Variants in FAM135B observed in about 807,000 individuals in gnomAD.
FAM135B encodes protein FAM135B.
Under a neutral mutation model 127.7 loss-of-function variants are expected in FAM135B, and 43 were observed. That is an observed-to-expected ratio of 0.34 (90% CI 0.26 to 0.43). The LOEUF is 0.43. Ranked by LOEUF, FAM135B falls within the 20% of genes least tolerant of loss-of-function variation. The pLI is 1.00. For missense variants in FAM135B, 1,558 were observed against 1,725.6 expected (o/e 0.90, Z 1.72); for synonymous variants, 670 against 665.1 (o/e 1.01, Z -0.11).
chr8:138,415,741 G>A (rs34031939), intron 1 of FAM135B, among the ~76,000 whole-genome samples: 13,273 of 152,206 alleles, frequency 0.087, 994 homozygotes, highest in East Asian at 0.26. Context: ...AGACAATATG[G>A]CCCCAAGGGG....
intron 1 of FAM135B, among the ~76,000 whole-genome samples, chr8:138,398,657 G>C (rs1326654820): frequency 6.6e-6 from 1 of 152,182 alleles, no homozygotes; most frequent in Non-Finnish European, 1.5e-5. Flanking sequence ...AGGGAGCAGA[G>C]AACAGAAAGG....
rs76807604 is a variant in FAM135B, at chr8:138,137,494, G to A, written c.3902-234C>T. On this transcript the variant is annotated intron_variant, in intron 18 of 19. Transcript: ENST00000395297. ...GTTGAGAAAAGAAGTCACTAAGCAG[G>A]GGCTTTGCGTTTGTGAGGGGAGATG... Among the ~76,000 whole-genome samples the A allele has an allele frequency of 4.6e-3, 700 of 152,234 alleles. 3 individuals are homozygous for A. The highest frequency in any genetic ancestry group is 0.016 in the African/African-American group (650 of 41,536).
chr8:138,257,272 T>C (rs1224242565), intron 4 of FAM135B, among the ~76,000 whole-genome samples: 1 of 152,186 alleles, frequency 6.6e-6, no homozygotes, highest in Non-Finnish European at 1.5e-5. Flanking sequence ...AAGTGGTCAC[T>C]TCTTCAGGCG....
chr8:138,144,728 A>G (rs1817514761), intron 15 of FAM135B, among the ~76,000 whole-genome samples: 2 of 152,076 alleles, frequency 1.3e-5, no homozygotes, highest in Admixed American at 1.3e-4. Flanking sequence ...TGAGTGGCCA[A>G]CTCCTGCAAT....
chr8:138,194,102 T>C (rs898119955), intron 9 of FAM135B, among the ~76,000 whole-genome samples: 5 of 152,218 alleles, frequency 3.3e-5, no homozygotes, highest in Admixed American at 3.3e-4. Flanking sequence ...TTGACTCGTC[T>C]CAGTGGCCTT....
chr8:138,283,012 C>T (rs1240844362), intron 3 of FAM135B, among the ~76,000 whole-genome samples: 1 of 151,982 alleles, frequency 6.6e-6, no homozygotes, highest in African/African-American at 2.4e-5. Context: ...GTGATTTTCC[C>T]GCCTCAGTCT....
intron 1 of FAM135B, among the ~76,000 whole-genome samples, chr8:138,475,016 G>C (rs1814329222): frequency 6.6e-6 from 1 of 152,174 alleles, no homozygotes; most frequent in African/African-American, 2.4e-5. Flanking sequence ...CTCACTTTGG[G>C]ACAAAACCTT....
intron 3 of FAM135B, among the ~76,000 whole-genome samples, chr8:138,269,131 T>A (rs73439033): frequency 0.012 from 1,808 of 152,292 alleles, 30 homozygotes; most frequent in African/African-American, 0.041. Flanking sequence ...AAAAAAAGAC[T>A]TTTAGGTGCT....
intron 1 of FAM135B, among the ~76,000 whole-genome samples, chr8:138,445,109 G>T (rs1477868549): frequency 6.6e-6 from 1 of 152,144 alleles, no homozygotes; most frequent in South Asian, 2.1e-4. Flanking sequence ...CCAGGAAGAA[G>T]TTGAATCTCT....
intron 1 of FAM135B, among the ~76,000 whole-genome samples, chr8:138,484,426 G>A (rs372516911): frequency 4.3e-4 from 65 of 152,318 alleles, no homozygotes; most frequent in South Asian, 1.7e-3. Context: ...CAGTGCAGCC[G>A]GGAAGGAATA....
intron 1 of FAM135B, among the ~76,000 whole-genome samples, chr8:138,487,634 T>TGGG (rs890838129): frequency 2.4e-5 from 3 of 126,036 alleles, no homozygotes; most frequent in Admixed American, 8.5e-5. Context: ...TAGGTGTGTG[T>TGGG]GGGGGTGGGG....
At chr8:138,315,608 T>C (rs1827027910) in intron 2 of FAM135B, among the ~76,000 whole-genome samples, 1 of 151,558 alleles carries the variant, frequency 6.6e-6, no homozygotes, top group Admixed American at 6.6e-5. Flanking sequence ...AACTGTGGAA[T>C]ACATATCAAT....
In FAM135B at chr8:138,152,280, T is replaced by C. The variant is rs202075652; in HGVS notation, c.2195A>G (p.His732Arg). The change falls in exon 13 of 20, where the codon CAC becomes CGC. Residue 732 changes from histidine (H) to arginine (R), a missense_variant. This residue lies in a region of FAM135B where 923 missense variants were observed against 865.3 expected (regional missense o/e 1.07). Transcript: ENST00000395297. ...ALHRNSLEGG[H>R]TESNTSLPSG... ...TGGCAAACTTGTGTTACTTTCTGTG[T>C]GTCCACCCTCTAGGGAGTTCCGGTG... The C allele has an allele frequency of 3.2e-5, 52 of 1,614,116 alleles. No homozygotes were observed. In the Middle Eastern group the frequency reaches 1.2e-3, roughly 36 times the overall value.
At chr8:138,175,532 G>A (rs1227768395) in intron 11 of FAM135B, among the ~76,000 whole-genome samples, 3 of 152,276 alleles carry the variant, frequency 2.0e-5, no homozygotes, top group Admixed American at 1.3e-4. Flanking sequence ...CATTCACGCT[G>A]GTTTGCAAGA....
chr8:138,295,382 C>T (rs963789370), intron 3 of FAM135B, among the ~76,000 whole-genome samples: 3 of 151,900 alleles, frequency 2.0e-5, no homozygotes, highest in African/African-American at 7.3e-5. Flanking sequence ...AATATGGGTG[C>T]CGGCCTTGAT....
chr8:138,330,443 A>C (rs1022636272), intron 2 of FAM135B, among the ~76,000 whole-genome samples: 1 of 152,156 alleles, frequency 6.6e-6, no homozygotes, highest in Non-Finnish European at 1.5e-5. Context: ...TCATCTCAGG[A>C]TAACAATCTT....
chr8:138,447,174 T>C (rs908179960), intron 1 of FAM135B, among the ~76,000 whole-genome samples: 3 of 152,044 alleles, frequency 2.0e-5, no homozygotes, highest in Admixed American at 6.6e-5. Context: ...GGAGAGGATG[T>C]TGAGAGATGG....
intron 11 of FAM135B, among the ~76,000 whole-genome samples, chr8:138,175,115 G>A (rs541133431): frequency 7.2e-5 from 11 of 152,278 alleles, no homozygotes; most frequent in African/African-American, 1.4e-4. Context: ...ATTTCAAATC[G>A]TGTATATAAG....
At chr8:138,185,000 T>C (rs1335422465) in intron 9 of FAM135B, among the ~76,000 whole-genome samples, 1 of 152,202 alleles carries the variant, frequency 6.6e-6, no homozygotes, top group African/African-American at 2.4e-5. Flanking sequence ...CCAGCTGAGC[T>C]TGGTGTTCTG....
Sources: gnomAD v4.1 joint callset for allele counts (sites outside exome capture counted in the v4.1 genomes callset) on GRCh38, gnomAD v4.1.1 for gene constraint, gnomAD v4.1.1 regional missense constraint, MANE v1.5 for transcripts, NCBI Gene and HGNC (gene_info 2026-07-23, HGNC 2026-07-21) for gene names.